ACOT13: variants seen among roughly 807,000 people sequenced by gnomAD.
ACOT13 encodes the protein acyl-coenzyme A thioesterase 13.
Under a neutral mutation model 11.8 loss-of-function variants are expected in ACOT13, and 10 were observed. That is an observed-to-expected ratio of 0.85 (90% CI 0.53 to 1.44). ACOT13 has a LOEUF of 1.44. Ranked by LOEUF, ACOT13 falls within the 40% of genes most tolerant of loss-of-function variation. The pLI is 0.00. For missense variants in ACOT13, 172 were observed against 174.1 expected, an observed-to-expected ratio of 0.99 and a Z score of 0.07; for synonymous variants, 53 against 61.0, an observed-to-expected ratio of 0.87 and a Z score of 0.61.
chr6:24,675,842 G>C (rs1052993282), intron 1 of ACOT13, among the ~76,000 whole-genome samples: 19 of 152,196 alleles, frequency 1.2e-4, no homozygotes, highest in Non-Finnish European at 7.3e-5. Context: ...TTCTTCTAGG[G>C]TTTTTATGGT....
At chr6:24,687,152 C>T (rs956714958) in intron 1 of ACOT13, among the ~76,000 whole-genome samples, 6 of 152,164 alleles carry the variant, frequency 3.9e-5, no homozygotes, top group South Asian at 2.1e-4. Flanking sequence ...TATCCATCTA[C>T]GGAAGTCTTT....
intron 1 of ACOT13, among the ~76,000 whole-genome samples, chr6:24,671,939 C>T (rs973225117): frequency 1.3e-4 from 20 of 152,190 alleles, no homozygotes; most frequent in African/African-American, 4.6e-4. Flanking sequence ...AAATACATCT[C>T]AAAGAAAGCC....
intron 1 of ACOT13, among the ~76,000 whole-genome samples, chr6:24,678,295 C>T (rs1307317198): frequency 6.6e-6 from 1 of 152,126 alleles, no homozygotes; most frequent in Non-Finnish European, 1.5e-5. Context: ...TTTGGGAAAG[C>T]AGAGTACAAG....
At chr6:24,689,111 A>G (rs1778682738) in intron 1 of ACOT13, among the ~76,000 whole-genome samples, 1 of 152,050 alleles carries the variant, frequency 6.6e-6, no homozygotes, top group Admixed American at 6.6e-5. Context: ...GTGAGCTGAG[A>G]TTGTGCCACT....
chr6:24,678,501 G>A (rs991742234), intron 1 of ACOT13, among the ~76,000 whole-genome samples: 5 of 152,136 alleles, frequency 3.3e-5, no homozygotes, highest in Admixed American at 6.5e-5. Flanking sequence ...TCAGGTCTAA[G>A]GGTACTGCCT....
rs1215318921 is a variant in ACOT13, at chr6:24,703,838, G to A, written c.*2223G>A. ...AAAGTAACATCAATGAAGAGCAGATGGAGAGTATACTTGAGAAGGGCGTTA... is the reference window on the plus strand; with the variant it reads ...AAAGTAACATCAATGAAGAGCAGATAGAGAGTATACTTGAGAAGGGCGTTA... On this transcript the variant is annotated 3_prime_UTR_variant, in exon 3 of 3. Transcript: ENST00000230048. The A allele has an allele frequency of 6.6e-6, 1 of 152,180 alleles. No homozygotes were observed. The highest frequency in any genetic ancestry group is 2.4e-5 in the African/African-American group (1 of 41,440). The allele number at this position is 152,180 out of a possible 1,614,324, so 9.4% of individuals were successfully genotyped here. A position where few individuals can be genotyped will look rare whatever the true frequency, so the allele number is the denominator to read the frequency against.
chr6:24,686,649 CTTCTCTCTCT>C (rs1302068574), intron 1 of ACOT13, among the ~76,000 whole-genome samples: 2 of 144,766 alleles, frequency 1.4e-5, no homozygotes, highest in Non-Finnish European at 1.5e-5. Context: ...TTCTCTCTTT[CTTCTCTCTCT>C]TTCTCTCTCT....
rs757435036 is a variant in ACOT13 at position 24,667,346 on chromosome 6, T to A, written c.81+2T>A. 1.5e-5 allele frequency: 24 copies of A among 1,613,572 alleles called. No individual in the cohort carries two copies. The highest frequency in any genetic ancestry group is 1.1e-4 in the African/African-American group (8 of 74,828). ...AATTTTGAGAGAGTTTTGGGAAAGG[T>A]ATGGGAAAGGTAGGGGAGAAGCCGT... On this transcript the variant is annotated splice_donor_variant, in intron 1 of 2. Coordinates refer to ENST00000230048, the MANE Select transcript of ACOT13 (RefSeq NM_018473.4). LOFTEE classifies it high-confidence loss of function.
chr6:24,688,191 T>A (rs528540150), intron 1 of ACOT13, among the ~76,000 whole-genome samples: 1 of 152,234 alleles, frequency 6.6e-6, no homozygotes, highest in Admixed American at 6.5e-5. Context: ...AAGGCATTTT[T>A]TTTTCAAAGA....
rs1344104092 is a variant in ACOT13, at chr6:24,669,558, TA to T, written c.81+2222del. ...TACATTTGCCCCCTTTTCTTTTTTT[TA>T]AAAAAAATTTTTTTTTGGAGAAAGC... On this transcript the variant is annotated intron_variant, in intron 1 of 2. Transcript: ENST00000230048. Among the ~76,000 whole-genome samples, 5 of 151,904 alleles carry T rather than the reference TA, an allele frequency of 3.3e-5. No homozygotes were observed. In the South Asian group the frequency reaches 1.0e-3, roughly 31 times the overall value.
chr6:24,696,695 C>T (rs1238166937), intron 1 of ACOT13, among the ~76,000 whole-genome samples: 1 of 152,140 alleles, frequency 6.6e-6, no homozygotes, highest in East Asian at 1.9e-4. Context: ...GATGGTTTTT[C>T]CTAGTAATTT....
At chr6:24,699,070 TAAAG>T (rs962679880) in intron 2 of ACOT13, among the ~76,000 whole-genome samples, 1 of 152,178 alleles carries the variant, frequency 6.6e-6, no homozygotes, top group African/African-American at 2.4e-5. Flanking sequence ...CCCCATTCAA[TAAAG>T]AAAGAGCTGG....
In ACOT13 at chr6:24,677,228, A is replaced by G. The variant is rs114216310; in HGVS notation, c.81+9884A>G. 8.6e-3 allele frequency among the ~76,000 whole-genome samples: 1,311 copies of G among 152,290 alleles called. 25 individuals carry two copies. The highest frequency in any genetic ancestry group is 0.03 in the African/African-American group (1,243 of 41,556). On this transcript the variant is annotated intron_variant, in intron 1 of 2. Coordinates refer to ENST00000230048, the MANE Select transcript of ACOT13 (RefSeq NM_018473.4). ...TTTGAGCAATCACATGTTGGCATTT[A>G]TGTTCTATCTTTTCTTCATTGTCTG...
chr6:24,683,318 A>G (rs1042879759), intron 1 of ACOT13, among the ~76,000 whole-genome samples: 14 of 152,326 alleles, frequency 9.2e-5, no homozygotes, highest in African/African-American at 3.1e-4. Flanking sequence ...CAGGCAGATC[A>G]TCTGAGGTCA....
chr6:24,682,845 G>A (rs1275903838), intron 1 of ACOT13, among the ~76,000 whole-genome samples: 1 of 152,252 alleles, frequency 6.6e-6, no homozygotes, highest in African/African-American at 2.4e-5. Context: ...GGGACCCAAA[G>A]AGGGTTGCTG....
At chr6:24,667,846 C>G (rs2127619998) in intron 1 of ACOT13, among the ~76,000 whole-genome samples, 1 of 152,284 alleles carries the variant, frequency 6.6e-6, no homozygotes, top group East Asian at 1.9e-4. Context: ...TAAGTTAGCC[C>G]TTGGAGGAAG....
intron 1 of ACOT13, among the ~76,000 whole-genome samples, chr6:24,689,637 G>T (rs1778692063): frequency 6.6e-6 from 1 of 152,014 alleles, no homozygotes; most frequent in South Asian, 2.1e-4. Context: ...GTAAGCCTAG[G>T]GAATGGTATA....
intron 1 of ACOT13, among the ~76,000 whole-genome samples, chr6:24,686,022 C>T (rs6456629): frequency 5.4e-4 from 82 of 150,982 alleles, no homozygotes; most frequent in African/African-American, 2.0e-3. Flanking sequence ...GGGTGTTAGA[C>T]TCAATCTCAA....
chr6:24,673,640 C>T (rs180909950), intron 1 of ACOT13, among the ~76,000 whole-genome samples: 227 of 152,264 alleles, frequency 1.5e-3, no homozygotes, highest in Admixed American at 2.9e-3. Flanking sequence ...GGATTACAGG[C>T]AGAAGCCACC....
Sources: gnomAD v4.1 joint callset for allele counts (sites outside exome capture counted in the v4.1 genomes callset) on GRCh38, gnomAD v4.1.1 for gene constraint, MANE v1.5 for transcripts, NCBI Gene and HGNC (gene_info 2026-07-23, HGNC 2026-07-21) for gene names.